Variants in PTPRN2 observed in about 807,000 individuals in gnomAD.
PTPRN2 encodes receptor-type tyrosine-protein phosphatase N2.
A neutral mutation model predicts 118.8 loss-of-function variants in PTPRN2; 74 were observed. The ratio of observed to expected loss-of-function variants is 0.62; its 90% CI spans 0.52 to 0.76. The LOEUF (loss-of-function observed/expected upper bound fraction) is 0.76, where lower values mean the gene tolerates loss of function less well. Ranked by LOEUF, PTPRN2 falls within the 30% of genes least tolerant of loss-of-function variation. The probability of loss-of-function intolerance (pLI) is 0.00; values close to 1 mark genes in which losing one functional copy is unlikely to be tolerated. For synonymous variants in PTPRN2, 641 were observed against 608.0 expected (o/e 1.05, Z -0.80); for missense variants, 1,481 against 1,394.4 (o/e 1.06, Z -0.99).
intron 2 of PTPRN2, among the ~76,000 whole-genome samples, chr7:158,468,979 G>A (rs1170591043): frequency 3.3e-5 from 5 of 151,762 alleles, no homozygotes; most frequent in Admixed American, 1.3e-4. Flanking sequence ...TCAACACTAT[G>A]CACACCCATG....
intron 14 of PTPRN2, among the ~76,000 whole-genome samples, chr7:157,649,803 G>A (rs1340256498): frequency 6.6e-5 from 10 of 150,770 alleles, no homozygotes; most frequent in South Asian, 2.1e-4. Flanking sequence ...CCCATCCAGC[G>A]TGCACTGAAC....
intron 14 of PTPRN2, among the ~76,000 whole-genome samples, chr7:157,651,973 A>G (rs1375909402): frequency 6.6e-6 from 1 of 152,218 alleles, no homozygotes; most frequent in Non-Finnish European, 1.5e-5. Flanking sequence ...AGTCCAAGGC[A>G]GGGGCACGGA....
chr7:157,637,569 C>T (rs568917311), intron 14 of PTPRN2, among the ~76,000 whole-genome samples: 2 of 152,302 alleles, frequency 1.3e-5, no homozygotes, highest in East Asian at 3.9e-4. Context: ...GTCATGCACC[C>T]ACCTCTCCCC....
At chr7:157,788,991 C>A (rs74411762) in intron 12 of PTPRN2, among the ~76,000 whole-genome samples, 1 of 152,236 alleles carries the variant, frequency 6.6e-6, no homozygotes, top group Non-Finnish European at 1.5e-5. Flanking sequence ...CCCTTCCTGC[C>A]TCCATTTCCC....
chr7:158,394,812 C>G (rs574060903), intron 2 of PTPRN2, among the ~76,000 whole-genome samples: 77 of 152,316 alleles, frequency 5.1e-4, no homozygotes, highest in African/African-American at 1.8e-3. Flanking sequence ...GTTGGAGACC[C>G]GACACCCTCA....
chr7:157,679,249 C>T (rs1796808216), intron 13 of PTPRN2, among the ~76,000 whole-genome samples: 2 of 152,098 alleles, frequency 1.3e-5, no homozygotes, highest in Admixed American at 6.5e-5. Context: ...GAAAAAACAA[C>T]ATTTACTAAA....
intron 2 of PTPRN2, among the ~76,000 whole-genome samples, chr7:158,382,075 T>G (rs114979074): frequency 0.013 from 1,981 of 152,266 alleles, 40 homozygotes; most frequent in African/African-American, 0.043. Context: ...AGGTGCCAGT[T>G]ACATTGTCTC....
intron 12 of PTPRN2, among the ~76,000 whole-genome samples, chr7:157,822,485 AT>A (rs928288868): frequency 1.3e-5 from 2 of 151,912 alleles, no homozygotes; most frequent in African/African-American, 4.8e-5. Context: ...TCTATATGCT[AT>A]CCATCATCCA....
At chr7:157,703,216 C>T (rs1007279963) in intron 12 of PTPRN2, among the ~76,000 whole-genome samples, 6 of 152,186 alleles carry the variant, frequency 3.9e-5, no homozygotes, top group East Asian at 3.9e-4. Context: ...GACTCCACTC[C>T]GATGCCTGGA....
intron 2 of PTPRN2, among the ~76,000 whole-genome samples, chr7:158,424,593 C>G (rs999548996): frequency 3.3e-5 from 5 of 152,236 alleles, no homozygotes; most frequent in Non-Finnish European, 5.9e-5. Context: ...CATGCCAGCA[C>G]GCGTAATGCC....
intron 2 of PTPRN2, among the ~76,000 whole-genome samples, chr7:158,469,680 A>T (rs1338118208): frequency 1.3e-5 from 2 of 151,776 alleles, no homozygotes; most frequent in Admixed American, 6.6e-5. Context: ...CTCAATCATT[A>T]AAAACACCAA....
At chr7:158,260,753 C>A (rs940205386) in intron 3 of PTPRN2, among the ~76,000 whole-genome samples, 3 of 152,156 alleles carry the variant, frequency 2.0e-5, no homozygotes, top group Non-Finnish European at 2.9e-5. Context: ...CCAGAAAACA[C>A]CCTCGCTGCC....
At chr7:158,245,779 G>A (rs548072814) in intron 3 of PTPRN2, among the ~76,000 whole-genome samples, 13 of 152,282 alleles carry the variant, frequency 8.5e-5, no homozygotes, top group South Asian at 2.1e-4. Flanking sequence ...GGAAGCAGCC[G>A]GCTCAGGGCC....
chr7:157,740,103 C>T (rs543166785), intron 12 of PTPRN2, among the ~76,000 whole-genome samples: 2 of 152,242 alleles, frequency 1.3e-5, no homozygotes, highest in Non-Finnish European at 2.9e-5. Flanking sequence ...CAGCAGGACC[C>T]CTTCCTCCAT....
Position 158,170,882 on chromosome 7 carries a change from GATA to G in PTPRN2, c.550-3594_550-3592del, listed in dbSNP as rs932346358. On this transcript the variant is annotated intron_variant, in intron 5 of 22. Coordinates refer to ENST00000389418, the MANE Select transcript of PTPRN2 (RefSeq NM_002847.5). ...CTATTTAAGTAATCTGTAAAACAAG[GATA>G]ATAATAATAGTATCTGGCACGGAAG... Among the ~76,000 whole-genome samples the G allele has an allele frequency of 2.6e-5, 4 of 151,808 alleles. 1 individual carries two copies. The highest frequency in any genetic ancestry group is 4.1e-4 in the South Asian group (2 of 4,820).
intron 11 of PTPRN2, among the ~76,000 whole-genome samples, chr7:158,071,666 G>C (rs1173691718): frequency 7.1e-5 from 9 of 127,630 alleles, no homozygotes; most frequent in African/African-American, 1.9e-4. Flanking sequence ...AGGTGCTCGT[G>C]GTGGTGGAGG....
At chr7:157,744,198 C>A (rs372715145) in intron 12 of PTPRN2, among the ~76,000 whole-genome samples, 1 of 152,084 alleles carries the variant, frequency 6.6e-6, no homozygotes, top group African/African-American at 2.4e-5. Context: ...CAAGCGGGCG[C>A]GAGGTGGTCC....
chr7:158,510,018 A>G (rs571513232), intron 1 of PTPRN2, among the ~76,000 whole-genome samples: 1 of 152,202 alleles, frequency 6.6e-6, no homozygotes, highest in Non-Finnish European at 1.5e-5. Flanking sequence ...ACAGGCACAC[A>G]CAACCAAGCT....
intron 19 of PTPRN2, among the ~76,000 whole-genome samples, chr7:157,573,838 C>T (rs182067265): frequency 9.2e-5 from 14 of 152,286 alleles, no homozygotes; most frequent in East Asian, 5.8e-4. Context: ...GGGAAGGTTT[C>T]GCTGTAATTT....
Sources: gnomAD v4.1 joint callset for allele counts (sites outside exome capture counted in the v4.1 genomes callset) on GRCh38, gnomAD v4.1.1 for gene constraint, MANE v1.5 for transcripts, NCBI Gene and HGNC (gene_info 2026-07-23, HGNC 2026-07-21) for gene names.